Variants in STK10 observed in about 807,000 individuals in gnomAD.
STK10 encodes serine/threonine kinase 10, also known as serine/threonine-protein kinase 10.
In STK10, 78 loss-of-function variants were observed where a neutral mutation model predicts 113.8. The observed-to-expected ratio is 0.69, with a 90% CI of 0.57 to 0.83. STK10 has a LOEUF of 0.83. Among genes scored for constraint, STK10 ranks in the 40% least tolerant of loss-of-function variants. The pLI is 0.00. For missense variants in STK10, 1,109 were observed against 1,280.1 expected, an observed-to-expected ratio of 0.87 and a Z score of 2.04; for synonymous variants, 465 against 494.7, an observed-to-expected ratio of 0.94 and a Z score of 0.80.
At chr5:172,081,425 G>A (rs998123313) in intron 12 of STK10, among the ~76,000 whole-genome samples, 3 of 151,922 alleles carry the variant, frequency 2.0e-5, no homozygotes, top group Admixed American at 2.0e-4. Context: ...ACAAAGCCCA[G>A]GTGACAGCAC....
At position 172,057,363 on chromosome 5, in the gene STK10, G is replaced by A. The variant is rs762092812; in HGVS notation, c.2323C>T (p.Arg775Cys). Residue 775 changes from arginine to cysteine, a missense_variant, in exon 15 of 19, where the codon CGC becomes TGC. Around this residue, in one of 5 missense-constraint regions of STK10, gnomAD observed 885 missense variants for 991.1 expected, o/e 0.89. Transcript: ENST00000176763. ...QYFLQRHELLRKHEKEREQMQ... is the reference protein window; with the variant it reads ...QYFLQRHELLCKHEKEREQMQ... ...GGCAGCCTCACCTTCTCATGCTTGCGCAGCAGCTCGTGCCGCTGGAGGAAG... is the reference window on the plus strand; with the variant it reads ...GGCAGCCTCACCTTCTCATGCTTGCACAGCAGCTCGTGCCGCTGGAGGAAG... 16 of 1,574,804 alleles carry A rather than the reference G, an allele frequency of 1.0e-5. No individual in the cohort carries two copies. Among genetic ancestry groups the A allele is most frequent in the East Asian group, 2.3e-5 (1 of 42,890 alleles).
rs10042255 is a variant in STK10 at position 172,133,207 on chromosome 5, C to T, written c.322-5786G>A. On this transcript the variant is annotated intron_variant, in intron 2 of 18. Coordinates refer to ENST00000176763, the MANE Select transcript of STK10 (RefSeq NM_005990.4). This position sits in a 1 kb window ranked among gnomAD's most constrained non-coding sequence, Gnocchi z 4.9. ...CTGGAGAGCTGTGTGTGCGTGTGTG[C>T]GTGTGTGTCTGGGGAGATACACCAA... Among the ~76,000 whole-genome samples, 14,352 of 152,006 alleles carry T rather than the reference C, an allele frequency of 0.094. 2,318 individuals are homozygous for T. The highest frequency in any genetic ancestry group is 0.33 in the African/African-American group (13,543 of 41,396).
At position 172,057,408 on chromosome 5, in the gene STK10, G is replaced by A. The variant is rs1417266192; in HGVS notation, c.2278C>T (p.Gln760Ter). 1.3e-6 allele frequency: 2 copies of A among 1,553,410 alleles called. No individual in the cohort carries two copies. Among genetic ancestry groups the A allele is most frequent in the African/African-American group, 1.4e-5 (1 of 73,210 alleles). Residue 760 changes from glutamine to a stop codon, truncating the protein, a stop_gained, in exon 15 of 19, where the codon CAG becomes TAG. Transcript: ENST00000176763. LOFTEE classifies it high-confidence loss of function. ...QLQERHQLVK[Q>*]QLKDQYFLQR... ...AGGAAGTACTGGTCTTTGAGCTGCT[G>A]CTTCACCAGCTGGTGCCTCTCCTGC... is the stretch of plus-strand genomic sequence containing the variant.
chr5:172,179,885 C>G (rs1019183955), intron 1 of STK10, among the ~76,000 whole-genome samples: 32 of 152,232 alleles, frequency 2.1e-4, no homozygotes, highest in Non-Finnish European at 3.2e-4. Flanking sequence ...CAGGGACGGG[C>G]AAGACGGCCT....
At chr5:172,135,674 C>T (rs1418901653) in intron 2 of STK10, among the ~76,000 whole-genome samples, 1 of 152,186 alleles carries the variant, frequency 6.6e-6, no homozygotes, top group Non-Finnish European at 1.5e-5. Flanking sequence ...ATCCAAATGG[C>T]AATTCCCTCC....
At chr5:172,132,125 C>G (rs1386091569) in intron 2 of STK10, among the ~76,000 whole-genome samples, 1 of 152,058 alleles carries the variant, frequency 6.6e-6, no homozygotes, top group Non-Finnish European at 1.5e-5. Context: ...GTTATAGCAG[C>G]ATAAAATGCA....
intron 1 of STK10, among the ~76,000 whole-genome samples, chr5:172,174,177 T>G (rs547506727): frequency 7.3e-5 from 11 of 150,484 alleles, no homozygotes; most frequent in Non-Finnish European, 1.3e-4. Context: ...TGTTGTTGTT[T>G]AATTTTTTTT....
chr5:172,134,739 T>C (rs1270855793), intron 2 of STK10, among the ~76,000 whole-genome samples: 2 of 54,346 alleles, frequency 3.7e-5, no homozygotes, highest in African/African-American at 2.2e-4. Context: ...GGAGACCTCA[T>C]ATTTACAAAA....
At chr5:172,071,115 A>G (rs1290062739) in intron 12 of STK10, among the ~76,000 whole-genome samples, 1 of 147,850 alleles carries the variant, frequency 6.8e-6, no homozygotes, top group Non-Finnish European at 1.5e-5. Flanking sequence ...GAGGCTGAGC[A>G]GGAGAATCGC....
intron 2 of STK10, among the ~76,000 whole-genome samples, chr5:172,141,595 A>AG (rs1769973011): frequency 6.6e-6 from 1 of 151,842 alleles, no homozygotes; most frequent in African/African-American, 2.4e-5. Context: ...AAAAAAAAAA[A>AG]AAAATTTAAA....
At position 172,133,570 on chromosome 5, in the gene STK10, G is replaced by A. The variant is rs1262411317; in HGVS notation, c.322-6149C>T. 1.3e-5 allele frequency among the ~76,000 whole-genome samples: 2 copies of A among 152,104 alleles called. No homozygotes were observed. The highest frequency in any genetic ancestry group is 4.8e-5 in the African/African-American group (2 of 41,420). On this transcript the variant is annotated intron_variant, in intron 2 of 18. Coordinates refer to ENST00000176763, the MANE Select transcript of STK10 (RefSeq NM_005990.4). The surrounding 1 kb of genome is among the most constrained non-coding windows in gnomAD (Gnocchi z 4.9). ...GCTGGTGAGTTGTGCTTGATGGTGT[G>A]GAATGCCACGTCGTCTCACTCTGGA...
chr5:172,142,282 T>C (rs1162282228), intron 2 of STK10, among the ~76,000 whole-genome samples: 1 of 152,184 alleles, frequency 6.6e-6, no homozygotes, highest in Non-Finnish European at 1.5e-5. Context: ...CAATATTGCT[T>C]AGGACTGACA....
At chr5:172,107,991 G>C in intron 4 of STK10, 139 bp from the exon 5 acceptor site, 2 of 677,374 alleles carry the variant, frequency 3.0e-6, no homozygotes, top group Non-Finnish European at 2.6e-6. Context: ...CATTAAAAAT[G>C]TAAGACTATC....
intron 18 of STK10, among the ~76,000 whole-genome samples, chr5:172,049,044 C>T (rs1254266535): frequency 6.6e-6 from 1 of 152,126 alleles, no homozygotes; most frequent in East Asian, 1.9e-4. Flanking sequence ...TCTTAGACGA[C>T]ATCTTCCTGC....
intron 4 of STK10, among the ~76,000 whole-genome samples, chr5:172,111,347 G>C (rs780789076): frequency 3.9e-5 from 6 of 152,124 alleles, no homozygotes; most frequent in Non-Finnish European, 5.9e-5. Flanking sequence ...AGGCCCTGCC[G>C]ATCCCTTCCT....
chr5:172,128,510 T>A (rs1265388745), intron 2 of STK10, among the ~76,000 whole-genome samples: 1 of 152,190 alleles, frequency 6.6e-6, no homozygotes, highest in Non-Finnish European at 1.5e-5. Flanking sequence ...TTTGTGTTTT[T>A]AGTAGAGATG....
At chr5:172,152,461 A>G (rs1435637828) in intron 2 of STK10, among the ~76,000 whole-genome samples, 2 of 152,138 alleles carry the variant, frequency 1.3e-5, no homozygotes, top group Admixed American at 6.6e-5. Context: ...TTAGCAGAGG[A>G]CATTCACGAG....
intron 18 of STK10, among the ~76,000 whole-genome samples, chr5:172,050,050 G>A (rs140295035): frequency 0.02 from 3,074 of 152,266 alleles, 61 homozygotes; most frequent in East Asian, 0.081. Flanking sequence ...TGATCCACCC[G>A]CCTTGGCCTC....
intron 13 of STK10, chr5:172,061,492 C>G: frequency 2.0e-6 from 1 of 499,196 alleles, no homozygotes; most frequent in Non-Finnish European, 3.4e-6. Flanking sequence ...CGGTCTGTCA[C>G]CAGAGCTGGA....
Sources: gnomAD v4.1 joint callset for allele counts (sites outside exome capture counted in the v4.1 genomes callset) on GRCh38, gnomAD v4.1.1 for gene constraint, gnomAD v4.1.1 regional missense constraint, Gnocchi (gnomAD v3.1) non-coding constraint, MANE v1.5 for transcripts, NCBI Gene and HGNC (gene_info 2026-07-23, HGNC 2026-07-21) for gene names.